NTM: variants seen among roughly 807,000 people sequenced by gnomAD.
NTM encodes neurotrimin.
Under a neutral mutation model 42.1 loss-of-function variants are expected in NTM, and 13 were observed. The ratio of observed to expected loss-of-function variants is 0.31; its 90% CI spans 0.20 to 0.49. The LOEUF (loss-of-function observed/expected upper bound fraction) is 0.49. Among genes scored for constraint, NTM ranks in the 20% least tolerant of loss-of-function variants. The probability of loss-of-function intolerance (pLI) is 0.99; values close to 1 mark genes in which losing one functional copy is unlikely to be tolerated. For missense variants in NTM, 373 were observed against 452.8 expected (o/e 0.82, Z 1.60); for synonymous variants, 187 against 179.2 (o/e 1.04, Z -0.35).
chr11:131,942,308 C>G (rs1294532035), intron 2 of NTM, among the ~76,000 whole-genome samples: 1 of 152,184 alleles, frequency 6.6e-6, no homozygotes, highest in Non-Finnish European at 1.5e-5. Context: ...GGTTCTCCTG[C>G]ATGACTTCTT....
At chr11:131,454,820 G>C (rs1459905474) in intron 1 of NTM, among the ~76,000 whole-genome samples, 1 of 151,728 alleles carries the variant, frequency 6.6e-6, no homozygotes, top group African/African-American at 2.4e-5. Context: ...GGGCCACAGA[G>C]AGAAGAAAAA....
intron 3 of NTM, among the ~76,000 whole-genome samples, chr11:132,186,647 A>G (rs1178627124): frequency 1.3e-5 from 2 of 151,854 alleles, no homozygotes; most frequent in Non-Finnish European, 2.9e-5. Flanking sequence ...CATTCCTCCT[A>G]TTTTTTTTCT....
intron 1 of NTM, among the ~76,000 whole-genome samples, chr11:131,717,985 A>G (rs1044662475): frequency 5.9e-5 from 9 of 152,140 alleles, no homozygotes; most frequent in African/African-American, 1.9e-4. Flanking sequence ...TTCTTATTTT[A>G]GTTTGTTAAT....
intron 1 of NTM, among the ~76,000 whole-genome samples, chr11:131,558,641 G>A (rs916817716): frequency 2.0e-5 from 3 of 152,110 alleles, no homozygotes; most frequent in Non-Finnish European, 4.4e-5. Flanking sequence ...TAATGGGGTT[G>A]GCAATGTCCT....
chr11:131,400,555 C>G (rs2135673835), intron 1 of NTM, among the ~76,000 whole-genome samples: 1 of 152,270 alleles, frequency 6.6e-6, no homozygotes, highest in East Asian at 1.9e-4. Context: ...GTTTTGTCAA[C>G]TATTAGATGA....
intron 1 of NTM, among the ~76,000 whole-genome samples, chr11:131,497,483 A>G (rs1955473101): frequency 6.7e-6 from 1 of 149,726 alleles, no homozygotes; most frequent in South Asian, 2.2e-4. Flanking sequence ...CACCGTGCCT[A>G]GCCCATAGGT....
intron 2 of NTM, among the ~76,000 whole-genome samples, chr11:131,963,208 C>A (rs1270508165): frequency 1.3e-5 from 2 of 152,072 alleles, no homozygotes; most frequent in African/African-American, 4.8e-5. Context: ...AAGTTCACAC[C>A]AGCTCGCCAT....
intron 1 of NTM, among the ~76,000 whole-genome samples, chr11:131,592,519 T>C (rs2059447355): frequency 1.4e-5 from 1 of 71,034 alleles, no homozygotes; most frequent in Non-Finnish European, 3.2e-5. Flanking sequence ...ATATAATAGG[T>C]CTTTCAAAAA....
At chr11:131,600,996 A>G (rs1425285501) in intron 1 of NTM, among the ~76,000 whole-genome samples, 1 of 152,194 alleles carries the variant, frequency 6.6e-6, no homozygotes, top group African/African-American at 2.4e-5. Flanking sequence ...CTTGAAGATC[A>G]TATGCCCAGT....
chr11:131,495,191 A>T (rs1198996689), intron 1 of NTM, among the ~76,000 whole-genome samples: 1 of 152,146 alleles, frequency 6.6e-6, no homozygotes, highest in Non-Finnish European at 1.5e-5. Flanking sequence ...GGGCCTACAC[A>T]TAGCCGCTAG....
At chr11:131,701,034 A>C (rs1166210937) in intron 1 of NTM, among the ~76,000 whole-genome samples, 1 of 152,206 alleles carries the variant, frequency 6.6e-6, no homozygotes, top group Non-Finnish European at 1.5e-5. Context: ...TAAAGCATGT[A>C]ATATGTTTAG....
intron 1 of NTM, among the ~76,000 whole-genome samples, chr11:131,598,707 C>T (rs1244579825): frequency 2.5e-5 from 2 of 79,712 alleles, no homozygotes; most frequent in Admixed American, 1.4e-4. Context: ...TTCTTTCTTT[C>T]TTTCTTTCTT....
chr11:132,234,820 ATTC>A (rs1162349333), intron 4 of NTM, among the ~76,000 whole-genome samples: 2 of 152,362 alleles, frequency 1.3e-5, no homozygotes, highest in South Asian at 2.1e-4. Flanking sequence ...TGTCATTTAT[ATTC>A]TTCTACATAA....
At chr11:132,103,080 T>A (rs999781343) in intron 2 of NTM, among the ~76,000 whole-genome samples, 2 of 152,208 alleles carry the variant, frequency 1.3e-5, no homozygotes, top group African/African-American at 4.8e-5. Flanking sequence ...CCGGCCTTCA[T>A]TTCATCCCTA....
intron 8 of NTM, among the ~76,000 whole-genome samples, chr11:132,331,986 G>C (rs1407962792): frequency 6.6e-6 from 1 of 152,186 alleles, no homozygotes; most frequent in South Asian, 2.1e-4. Flanking sequence ...GAAATGTAGT[G>C]CTCGGTCCAC....
intron 2 of NTM, among the ~76,000 whole-genome samples, chr11:132,043,194 C>G (rs1041991566): frequency 1.3e-5 from 2 of 152,044 alleles, no homozygotes; most frequent in Non-Finnish European, 2.9e-5. Context: ...CACATTCTTG[C>G]TACTGCTTAG....
chr11:131,672,158 G>A (rs1400381735), intron 1 of NTM, among the ~76,000 whole-genome samples: 20 of 152,216 alleles, frequency 1.3e-4, no homozygotes, highest in Admixed American at 1.3e-3. Context: ...GGTGTGGGAG[G>A]AACAAGCCTG....
At chr11:132,081,305 T>G (rs1547893) in intron 2 of NTM, among the ~76,000 whole-genome samples, 84,445 of 152,038 alleles carry the variant, frequency 0.56, 24,577 homozygotes, top group African/African-American at 0.73. Context: ...AATAACCCAA[T>G]ACTACTTCAT....
intron 2 of NTM, among the ~76,000 whole-genome samples, chr11:131,919,056 C>T (rs2056845639): frequency 6.6e-6 from 1 of 151,744 alleles, no homozygotes; most frequent in Admixed American, 6.6e-5. Context: ...ACAGGCCAGT[C>T]AGTGGATCTG....
Sources: allele counts gnomAD v4.1 joint callset (sites outside exome capture counted in the v4.1 genomes callset), GRCh38; gene constraint gnomAD v4.1.1; transcripts MANE v1.5; gene names NCBI Gene and HGNC (gene_info 2026-07-23, HGNC 2026-07-21).